The following APBB2 variants were observed in gnomAD, a reference collection of about 807,000 sequenced individuals.
APBB2 encodes the protein Fe65-like 1.
In APBB2, 38 loss-of-function variants were observed where a neutral mutation model predicts 82.5. The observed-to-expected ratio is 0.46, with a 90% CI of 0.36 to 0.60. APBB2 has a LOEUF of 0.60. Ranked by LOEUF, APBB2 falls within the 20% of genes least tolerant of loss-of-function variation. The pLI is 0.00. For synonymous variants in APBB2, 341 were observed against 368.2 expected, an observed-to-expected ratio of 0.93 and a Z score of 0.85; for missense variants, 772 against 972.3, an observed-to-expected ratio of 0.79 and a Z score of 2.74.
chr4:40,871,953 A>G (rs1765625314), intron 12 of APBB2, among the ~76,000 whole-genome samples: 3 of 152,344 alleles, frequency 2.0e-5, no homozygotes, highest in African/African-American at 7.2e-5. Context: ...CAATGAATAT[A>G]TGCATGACTA....
At chr4:41,123,820 CACAAAAAAAAACCAAAAAACAAAACAAA>C (rs1753582650) in intron 2 of APBB2, among the ~76,000 whole-genome samples, 1 of 149,824 alleles carries the variant, frequency 6.7e-6, no homozygotes. Context: ...GACTCTGTCT[CACAAAAAAAAACCAAAAAACAAAACAAA>C]ACAAAAAAAA....
At chr4:41,167,728 T>C (rs1294639192) in intron 1 of APBB2, among the ~76,000 whole-genome samples, 1 of 152,184 alleles carries the variant, frequency 6.6e-6, no homozygotes, top group African/African-American at 2.4e-5. Flanking sequence ...AACCCTCTGG[T>C]CTCAGTGACC....
intron 6 of APBB2, among the ~76,000 whole-genome samples, chr4:41,003,979 T>C (rs1805945157): frequency 1.3e-5 from 2 of 151,702 alleles, no homozygotes; most frequent in South Asian, 4.2e-4. Context: ...TCCCAAAATG[T>C]TGGGATTACA....
At chr4:40,887,114 G>GT (rs1770547550) in intron 12 of APBB2, among the ~76,000 whole-genome samples, 1 of 152,186 alleles carries the variant, frequency 6.6e-6, no homozygotes, top group Non-Finnish European at 1.5e-5. Flanking sequence ...GCTGTTCATA[G>GT]TAAGAGGTCT....
chr4:41,085,132 T>C (rs936423797), intron 3 of APBB2, among the ~76,000 whole-genome samples: 4 of 151,632 alleles, frequency 2.6e-5, no homozygotes, highest in Non-Finnish European at 5.9e-5. Flanking sequence ...GCGCCTGTAG[T>C]CCCAGCTACT....
At chr4:41,048,740 C>T (rs544497575) in intron 4 of APBB2, among the ~76,000 whole-genome samples, 38 of 148,870 alleles carry the variant, frequency 2.6e-4, no homozygotes, top group African/African-American at 9.0e-4. Flanking sequence ...CTGGACTGTA[C>T]TGCTGCCAAC....
intron 3 of APBB2, among the ~76,000 whole-genome samples, chr4:41,096,175 C>T (rs1326687785): frequency 6.6e-6 from 1 of 152,236 alleles, no homozygotes; most frequent in African/African-American, 2.4e-5. Context: ...AATGACTGCT[C>T]GTCCTTTGCA....
intron 3 of APBB2, among the ~76,000 whole-genome samples, chr4:41,099,786 A>G (rs532371847): frequency 7.9e-5 from 12 of 152,334 alleles, no homozygotes; most frequent in African/African-American, 2.6e-4. Flanking sequence ...TTAGAAAGCT[A>G]TCTAGTAATT....
chr4:41,097,079 CT>C (rs1388977987), intron 3 of APBB2, among the ~76,000 whole-genome samples: 2 of 152,232 alleles, frequency 1.3e-5, no homozygotes, highest in Non-Finnish European at 2.9e-5. Context: ...AGTGTTCCTT[CT>C]GTAACCATCA....
chr4:40,980,905 C>T (rs982322289), intron 6 of APBB2, among the ~76,000 whole-genome samples: 2 of 152,280 alleles, frequency 1.3e-5, no homozygotes, highest in Admixed American at 6.5e-5. Context: ...GAGAGAACCA[C>T]CTGCATTAGA....
At chr4:40,841,685 T>C (rs1245341094) in intron 12 of APBB2, among the ~76,000 whole-genome samples, 1 of 152,050 alleles carries the variant, frequency 6.6e-6, no homozygotes, top group African/African-American at 2.4e-5. Context: ...TATTTATTTA[T>C]TTATTTATTT....
chr4:41,098,653 G>C (rs1744358377), intron 3 of APBB2, among the ~76,000 whole-genome samples: 1 of 151,978 alleles, frequency 6.6e-6, no homozygotes, highest in African/African-American at 2.4e-5. Flanking sequence ...GGAATATTTT[G>C]GTATAATGTA....
intron 12 of APBB2, among the ~76,000 whole-genome samples, chr4:40,852,050 T>C (rs1022902361): frequency 1.3e-5 from 2 of 152,102 alleles, no homozygotes; most frequent in African/African-American, 4.8e-5. Context: ...GGATGCTGCA[T>C]GTGAAGTAAC....
chr4:41,129,486 T>C (rs1255343669), intron 2 of APBB2, among the ~76,000 whole-genome samples: 1 of 152,208 alleles, frequency 6.6e-6, no homozygotes, highest in Non-Finnish European at 1.5e-5. Flanking sequence ...AGGGAAGAAT[T>C]ACTTGCTTTT....
intron 2 of APBB2, among the ~76,000 whole-genome samples, chr4:41,101,754 T>G (rs1434564050): frequency 6.6e-6 from 1 of 151,766 alleles, no homozygotes; most frequent in African/African-American, 2.4e-5. Flanking sequence ...CGTCAGGAGT[T>G]CAAGACTAGC....
At position 40,825,982 on chromosome 4, in the gene APBB2, A is replaced by C; in HGVS notation, c.1733-12T>G. Reference sequence around the variant, plus strand: ...TGTTGGAAAATCTACTACAGGGAACAAAAGCAACACATCTTTCTCAGTGGT... The same window carrying C: ...TGTTGGAAAATCTACTACAGGGAACCAAAGCAACACATCTTTCTCAGTGGT... On this transcript the variant is annotated splice_polypyrimidine_tract_variant and intron_variant, in intron 14 of 17. Coordinates refer to ENST00000508593, the MANE Select transcript of APBB2 (RefSeq NM_004307.2). 1 of 1,607,526 alleles carries C rather than the reference A, an allele frequency of 6.2e-7. No homozygotes were observed. The highest frequency in any genetic ancestry group is 1.1e-5 in the South Asian group (1 of 90,932).
chr4:40,980,202 T>G (rs1257300871), intron 6 of APBB2, among the ~76,000 whole-genome samples: 1 of 152,160 alleles, frequency 6.6e-6, no homozygotes, highest in East Asian at 1.9e-4. Flanking sequence ...TTCTGGATTT[T>G]TAGTACAGAA....
chr4:40,856,298 G>A (rs1355431748), intron 12 of APBB2, among the ~76,000 whole-genome samples: 2 of 152,210 alleles, frequency 1.3e-5, no homozygotes, highest in South Asian at 2.1e-4. Context: ...TACAATATTG[G>A]TATAGGGAAA....
intron 1 of APBB2, among the ~76,000 whole-genome samples, chr4:41,210,266 A>C (rs549937895): frequency 3.3e-5 from 5 of 152,318 alleles, no homozygotes; most frequent in South Asian, 2.1e-4. Flanking sequence ...AGATCTCTAG[A>C]CTGGGACAAG....
Sources: gnomAD v4.1 joint callset for allele counts (sites outside exome capture counted in the v4.1 genomes callset) on GRCh38, gnomAD v4.1.1 for gene constraint, MANE v1.5 for transcripts, NCBI Gene and HGNC (gene_info 2026-07-23, HGNC 2026-07-21) for gene names.